Variants in PDZD2 observed in about 807,000 individuals in gnomAD.
The protein encoded by PDZD2 is PDZ domain containing 2, also known as PDZ domain-containing protein 2.
In PDZD2, 90 loss-of-function variants were observed where a neutral mutation model predicts 220.7. That is an observed-to-expected ratio of 0.41 (90% confidence interval 0.34 to 0.49). PDZD2 has a LOEUF of 0.49. Among genes scored for constraint, PDZD2 ranks in the 20% least tolerant of loss-of-function variants. The probability of loss-of-function intolerance (pLI) is 0.28; values close to 1 mark genes in which losing one functional copy is unlikely to be tolerated. For missense variants in PDZD2, 3,174 were observed against 3,608.5 expected, an observed-to-expected ratio of 0.88 and a Z score of 3.08; for synonymous variants, 1,375 against 1,450.5, an observed-to-expected ratio of 0.95 and a Z score of 1.18.
At chr5:31,973,271 A>G (rs1749467009) in intron 2 of PDZD2, among the ~76,000 whole-genome samples, 1 of 152,204 alleles carries the variant, frequency 6.6e-6, no homozygotes, top group Non-Finnish European at 1.5e-5. Context: ...ATATTGGTGG[A>G]GTTACTTTGT....
chr5:31,779,454 A>G (rs1311834043), intron 1 of PDZD2, among the ~76,000 whole-genome samples: 2 of 71,518 alleles, frequency 2.8e-5, no homozygotes, highest in Admixed American at 2.9e-4. Context: ...GGCTCCCTGC[A>G]AGCTCCACCT....
At chr5:31,855,872 T>C (rs140016039) in intron 2 of PDZD2, among the ~76,000 whole-genome samples, 56 of 152,252 alleles carry the variant, frequency 3.7e-4, no homozygotes, top group African/African-American at 1.3e-3. Context: ...TACTAGGTAG[T>C]TGATAAACAC....
intron 2 of PDZD2, among the ~76,000 whole-genome samples, chr5:31,975,820 T>TTTTTG (rs1561238424): frequency 7.4e-6 from 1 of 134,798 alleles, no homozygotes; most frequent in African/African-American, 2.8e-5. Context: ...TTTTTTTTTT[T>TTTTTG]TGAGACAAGG....
chr5:31,778,501 C>CG, intron 1 of PDZD2, among the ~76,000 whole-genome samples: 1 of 151,584 alleles, frequency 6.6e-6, no homozygotes, highest in Non-Finnish European at 1.5e-5. Context: ...CAACTCTGGA[C>CG]GGGAGGAACG....
At chr5:31,854,980 C>A (rs1758306370) in intron 2 of PDZD2, 29 of 985,348 alleles carry the variant, frequency 2.9e-5, no homozygotes, top group Non-Finnish European at 3.5e-5. Context: ...CTGCAGGAGC[C>A]GCGTTCCAGG....
chr5:31,869,172 A>T (rs77835850), intron 2 of PDZD2, among the ~76,000 whole-genome samples: 2 of 152,234 alleles, frequency 1.3e-5, no homozygotes, highest in African/African-American at 4.8e-5. Context: ...CTTTGTCTGT[A>T]TCTTCCTTCA....
At chr5:31,823,789 C>T (rs1211273868) in intron 2 of PDZD2, among the ~76,000 whole-genome samples, 2 of 152,186 alleles carry the variant, frequency 1.3e-5, no homozygotes, top group East Asian at 3.9e-4. Flanking sequence ...AAAGCATACA[C>T]ATTTCTTTAC....
intron 2 of PDZD2, chr5:31,935,955 C>G (rs888451231): frequency 1.7e-4 from 43 of 254,188 alleles, no homozygotes; most frequent in Middle Eastern, 1.7e-3. Context: ...CCCCCATACT[C>G]CTGGAAAATT....
At chr5:31,991,084 G>T (rs1243501583) in intron 3 of PDZD2, among the ~76,000 whole-genome samples, 1 of 152,234 alleles carries the variant, frequency 6.6e-6, no homozygotes, top group Non-Finnish European at 1.5e-5. Context: ...GATTCAGGAG[G>T]TGTGGGCAGG....
intron 24 of PDZD2, 125 bp from the exon 25 acceptor site, chr5:32,107,844 A>C (rs1370080554): frequency 1.8e-6 from 1 of 557,198 alleles, no homozygotes; most frequent in Admixed American, 3.5e-5. Flanking sequence ...GTTCTAAGAA[A>C]TATTTCTCTA....
At chr5:32,100,737 G>T in intron 23 of PDZD2, 1 of 435,464 alleles carries the variant, frequency 2.3e-6, no homozygotes, top group Non-Finnish European at 4.3e-6. Context: ...AATCAAATTT[G>T]GAGTCCCCAA....
intron 1 of PDZD2, among the ~76,000 whole-genome samples, chr5:31,677,003 C>T (rs1037742849): frequency 1.3e-5 from 2 of 152,164 alleles, no homozygotes; most frequent in Non-Finnish European, 2.9e-5. Context: ...ACTTAACTCA[C>T]TCCCTTGTTG....
chr5:31,840,248 C>T (rs112974715), intron 2 of PDZD2, among the ~76,000 whole-genome samples: 1 of 150,510 alleles, frequency 6.6e-6, no homozygotes, highest in African/African-American at 2.5e-5. Context: ...CAAAACAAAA[C>T]AAAACAAAAC....
chr5:31,891,444 C>T (rs1358480671), intron 2 of PDZD2, among the ~76,000 whole-genome samples: 1 of 152,098 alleles, frequency 6.6e-6, no homozygotes, highest in Non-Finnish European at 1.5e-5. Context: ...GCCTCCCTTA[C>T]AGCTGGGATT....
At chr5:31,723,837 C>T (rs1489526413) in intron 1 of PDZD2, among the ~76,000 whole-genome samples, 2 of 152,014 alleles carry the variant, frequency 1.3e-5, no homozygotes, top group Admixed American at 6.6e-5. Context: ...AGGCTGGTCT[C>T]GAACTCCTGA....
intron 2 of PDZD2, chr5:31,847,655 A>G: frequency 1.6e-6 from 1 of 613,708 alleles, no homozygotes; most frequent in Non-Finnish European, 3.1e-6. Flanking sequence ...GATGAATACA[A>G]TGTGGAAAGC....
intron 5 of PDZD2, among the ~76,000 whole-genome samples, chr5:32,004,661 A>T (rs574985317): frequency 6.6e-6 from 1 of 152,350 alleles, no homozygotes; most frequent in South Asian, 2.1e-4. Flanking sequence ...TAGAAACCAG[A>T]ATCAGGTTTT....
chr5:31,738,275 G>A (rs1391526192), intron 1 of PDZD2: 2 of 152,288 alleles, frequency 1.3e-5, no homozygotes, highest in African/African-American at 4.8e-5. Context: ...ATGATCCTTG[G>A]AGGGGCTTCT....
intron 8 of PDZD2, among the ~76,000 whole-genome samples, chr5:32,050,708 TTA>T (rs1215699016): frequency 6.6e-6 from 1 of 152,078 alleles, no homozygotes; most frequent in African/African-American, 2.4e-5. Context: ...GTGTTCCCAG[TTA>T]CTTGGGAGGC....
Sources: gnomAD v4.1 joint callset for allele counts (sites outside exome capture counted in the v4.1 genomes callset) on GRCh38, gnomAD v4.1.1 for gene constraint, MANE v1.5 for transcripts, NCBI Gene and HGNC (gene_info 2026-07-23, HGNC 2026-07-21) for gene names.